IDH3A: variants seen among roughly 807,000 people sequenced by gnomAD.
The protein encoded by IDH3A is isocitrate dehydrogenase [NAD] subunit alpha, mitochondrial.
Under a neutral mutation model 43.3 loss-of-function variants are expected in IDH3A, and 23 were observed. The observed-to-expected ratio is 0.53, with a 90% confidence interval of 0.38 to 0.75. The LOEUF (loss-of-function observed/expected upper bound fraction) is 0.75. Among genes scored for constraint, IDH3A ranks in the 30% least tolerant of loss-of-function variants. IDH3A has a pLI of 0.00. For missense variants in IDH3A, 329 were observed against 474.4 expected (o/e 0.69, Z 2.85); for synonymous variants, 154 against 163.5 (o/e 0.94, Z 0.44).
chr15:78,156,465 G>C (rs992808914), intron 2 of IDH3A, among the ~76,000 whole-genome samples: 1 of 152,162 alleles, frequency 6.6e-6, no homozygotes, highest in Non-Finnish European at 1.5e-5. Flanking sequence ...GCCTGGCAAT[G>C]TAGTGAGTCC....
At position 78,163,495 on chromosome 15, in the gene IDH3A, G is replaced by T. The variant is rs1383164819; in HGVS notation, c.612-12G>T. ...ACTTTTTTTTCAGCAGTTTTTATTT[G>T]ATTAAATACAGGCGGATGTCAGATG... On this transcript the variant is annotated splice_polypyrimidine_tract_variant and intron_variant, in intron 6 of 10. Coordinates refer to ENST00000299518, the MANE Select transcript of IDH3A (RefSeq NM_005530.3). The T allele has an allele frequency of 3.2e-6, 5 of 1,575,662 alleles. No homozygotes were observed. Among genetic ancestry groups the T allele is most frequent in the Non-Finnish European group, 4.3e-6 (5 of 1,151,360 alleles).
At chr15:78,163,016 C>G (rs566162003) in intron 6 of IDH3A, among the ~76,000 whole-genome samples, 1 of 152,152 alleles carries the variant, frequency 6.6e-6, no homozygotes, top group Non-Finnish European at 1.5e-5. Context: ...ACATAGCGTA[C>G]GTTTTAGAAG....
intron 2 of IDH3A, 177 bp from the exon 3 acceptor site, chr15:78,157,371 C>G (rs2074631876): frequency 1.6e-6 from 1 of 629,442 alleles, no homozygotes; most frequent in Admixed American, 3.5e-5. Context: ...AGAGTCTCTC[C>G]TCTGTTGATT....
intron 1 of IDH3A, among the ~76,000 whole-genome samples, chr15:78,152,473 C>T (rs2074586402): frequency 6.6e-6 from 1 of 151,080 alleles, no homozygotes; most frequent in African/African-American, 2.4e-5. Flanking sequence ...TGATTCTCCT[C>T]CCTCAGCCTC....
intron 6 of IDH3A, 162 bp from the exon 7 acceptor site, chr15:78,163,345 C>G (rs2074703442): frequency 3.5e-6 from 2 of 569,258 alleles, no homozygotes; most frequent in South Asian, 2.4e-5. Context: ...ACATTTTCAG[C>G]TTATATTTTA....
At chr15:78,168,453 C>A (rs2074776707) in intron 10 of IDH3A, 1 of 151,510 alleles carries the variant, frequency 6.6e-6, no homozygotes, top group South Asian at 2.1e-4. Flanking sequence ...CGTGCCACTG[C>A]ACTCCAGCCT....
intron 10 of IDH3A, chr15:78,168,612 G>T: frequency 9.4e-6 from 2 of 213,672 alleles, no homozygotes; most frequent in Admixed American, 5.9e-5. Context: ...AAATATCCAT[G>T]ACCAACTAAT....
intron 3 of IDH3A, 164 bp from the exon 4 acceptor site, chr15:78,159,928 G>A (rs2074664025): frequency 1.8e-6 from 1 of 548,196 alleles, no homozygotes; most frequent in African/African-American, 1.9e-5. Context: ...CTGGGAGGCG[G>A]AGGTTATAGT....
Position 78,170,349 on chromosome 15 carries a change from G to C in IDH3A, c.*1344G>C, listed in dbSNP as rs1044157442. The C allele has an allele frequency of 4.0e-5, 6 of 151,712 alleles. No individual in the cohort carries two copies. The highest frequency in any genetic ancestry group is 1.5e-5 in the Non-Finnish European group (1 of 67,968). 9.4% of individuals were successfully genotyped at this position (151,712 alleles called of 1,614,324 possible). On this transcript the variant is annotated 3_prime_UTR_variant, in exon 11 of 11. Transcript: ENST00000299518. ...CTGTGGCTTTGCAAAATGTACCCAG[G>C]TCACAAGGGGATTTTTTTTTTTTTA... is the stretch of plus-strand genomic sequence containing the variant.
chr15:78,158,465 T>TATATATATA (rs1179618862), intron 3 of IDH3A, among the ~76,000 whole-genome samples: 1 of 27,040 alleles, frequency 3.7e-5, no homozygotes, highest in Non-Finnish European at 6.7e-5. Context: ...ATATATATAT[T>TATATATATA]TTTTTTTTTT....
rs954020288 is a variant in IDH3A at position 78,170,078 on chromosome 15, C to T, written c.*1073C>T. The T allele has an allele frequency of 1.3e-5, 2 of 152,250 alleles. No homozygotes were observed. The highest frequency in any genetic ancestry group is 4.8e-5 in the African/African-American group (2 of 41,466). 9.4% of individuals were successfully genotyped at this position (152,250 alleles called of 1,614,324 possible). The stretch of plus-strand genomic sequence containing the variant: ...GACATTCCAAAGACTGGAGGCAACT[C>T]AGCCTGAGTTAATTCACAAAATTAT... On this transcript the variant is annotated 3_prime_UTR_variant, in exon 11 of 11. Coordinates refer to ENST00000299518, the MANE Select transcript of IDH3A (RefSeq NM_005530.3).
At chr15:78,165,203 T>G in intron 9 of IDH3A, 127 bp downstream of exon 9, 1 of 682,208 alleles carries the variant, frequency 1.5e-6, no homozygotes, top group Non-Finnish European at 2.6e-6. Context: ...TGCTTTTTTT[T>G]TTTCTCGAGA....
intron 9 of IDH3A, among the ~76,000 whole-genome samples, chr15:78,165,831 GTCAGGCACCA>G (rs2074734901): frequency 1.3e-5 from 2 of 152,110 alleles, no homozygotes; most frequent in African/African-American, 4.8e-5. Flanking sequence ...TGGCACTGTA[GTCAGGCACCA>G]CCATGCCTGG....
At chr15:78,166,122 T>C in intron 9 of IDH3A, 28 bp from the exon 10 acceptor site, 1 of 1,609,380 alleles carries the variant, frequency 6.2e-7, no homozygotes, top group Non-Finnish European at 8.5e-7. Context: ...GTCTCTCCCT[T>C]GATGATGCTA....
At chr15:78,149,479 T>C in intron 1 of IDH3A, 49 bp downstream of exon 1, 2 of 1,480,694 alleles carry the variant, frequency 1.4e-6, no homozygotes, top group Non-Finnish European at 1.8e-6. Context: ...CCGCGAGGGC[T>C]GGCAGGAGAG....
intron 1 of IDH3A, among the ~76,000 whole-genome samples, chr15:78,152,386 GT>G (rs2074585289): frequency 1.7e-5 from 2 of 115,818 alleles, no homozygotes; most frequent in South Asian, 5.7e-4. Context: ...TTGAGATGGA[GT>G]TTTGCTCTTG....
intron 9 of IDH3A, among the ~76,000 whole-genome samples, chr15:78,165,681 C>CTTTA (rs3972619): frequency 4.6e-4 from 69 of 150,024 alleles, no homozygotes; most frequent in Non-Finnish European, 7.7e-4. Flanking sequence ...TTCTCCAAGT[C>CTTTA]TTTATTTATT....
chr15:78,162,871 C>T (rs2074699272), intron 6 of IDH3A, among the ~76,000 whole-genome samples: 1 of 152,154 alleles, frequency 6.6e-6, no homozygotes, highest in Non-Finnish European at 1.5e-5. Flanking sequence ...ACTGCGCCTC[C>T]CTGGGCGAAT....
At position 78,169,305 on chromosome 15, in the gene IDH3A, A is replaced by G. The variant is rs1022132500; in HGVS notation, c.*300A>G. 3 of 212,466 alleles carry G rather than the reference A, an allele frequency of 1.4e-5. No homozygotes were observed. Among genetic ancestry groups the G allele is most frequent in the Admixed American group, 5.8e-5 (1 of 17,146 alleles). 13.2% of individuals were successfully genotyped at this position (212,466 alleles called of 1,614,324 possible). On this transcript the variant is annotated 3_prime_UTR_variant, in exon 11 of 11. Transcript: ENST00000299518. ...TTCTAAACCATTTTACACTTAAGTT[A>G]AAATAGTTTCTCTTCAGCTGTAAAT... is the stretch of plus-strand genomic sequence containing the variant.
Sources: gnomAD v4.1 joint callset for allele counts (sites outside exome capture counted in the v4.1 genomes callset) on GRCh38, gnomAD v4.1.1 for gene constraint, MANE v1.5 for transcripts, NCBI Gene and HGNC (gene_info 2026-07-23, HGNC 2026-07-21) for gene names.